MCF2L2: variants seen among roughly 807,000 people sequenced by gnomAD.
The protein encoded by MCF2L2 is probable guanine nucleotide exchange factor MCF2L2.
A neutral mutation model predicts 150.2 loss-of-function variants in MCF2L2; 102 were observed. That is an observed-to-expected ratio of 0.68 (90% CI 0.58 to 0.80). The LOEUF is 0.80. Ranked by LOEUF, MCF2L2 falls within the 30% of genes least tolerant of loss-of-function variation. The pLI is 0.00. For synonymous variants in MCF2L2, 465 were observed against 491.3 expected (o/e 0.95, Z 0.71); for missense variants, 1,256 against 1,372.8 (o/e 0.91, Z 1.34).
At chr3:183,332,994 C>G (rs1323970931) in intron 5 of MCF2L2, among the ~76,000 whole-genome samples, 3 of 152,098 alleles carry the variant, frequency 2.0e-5, no homozygotes, top group Non-Finnish European at 2.9e-5. Flanking sequence ...AATCCCTTGT[C>G]TAAGATGGCA....
chr3:183,365,544 T>G (rs59624773), intron 3 of MCF2L2, among the ~76,000 whole-genome samples: 17,525 of 152,226 alleles, frequency 0.12, 1,160 homozygotes, highest in East Asian at 0.25. Flanking sequence ...AAATTAATGG[T>G]GTTCAGATAA....
chr3:183,356,322 G>C (rs1185174481), intron 3 of MCF2L2, among the ~76,000 whole-genome samples: 1 of 151,964 alleles, frequency 6.6e-6, no homozygotes, highest in Non-Finnish European at 1.5e-5. Flanking sequence ...AGACCATCCT[G>C]GCCAACACGG....
At chr3:183,233,752 T>A (rs1435847608) in intron 15 of MCF2L2, among the ~76,000 whole-genome samples, 1 of 152,192 alleles carries the variant, frequency 6.6e-6, no homozygotes, top group Admixed American at 6.5e-5. Flanking sequence ...CAATCTTTTT[T>A]AAAGTGAAAC....
At chr3:183,330,363 C>A (rs553435554) in intron 5 of MCF2L2, among the ~76,000 whole-genome samples, 20 of 152,030 alleles carry the variant, frequency 1.3e-4, no homozygotes, top group African/African-American at 4.8e-4. Context: ...TATGGGACCA[C>A]CACTGTATAT....
intron 6 of MCF2L2, 35 bp downstream of exon 6, chr3:183,323,200 G>C (rs759022217): frequency 7.0e-7 from 1 of 1,438,290 alleles, no homozygotes; most frequent in Non-Finnish European, 9.7e-7. Flanking sequence ...AAAACAAGGA[G>C]AGACAGTGAA....
chr3:183,285,176 G>T (rs1727718329), intron 14 of MCF2L2, among the ~76,000 whole-genome samples: 1 of 152,094 alleles, frequency 6.6e-6, no homozygotes, highest in Middle Eastern at 3.2e-3. Flanking sequence ...CTAAACACAG[G>T]ATTAAATGAG....
At chr3:183,416,175 T>G (rs1715577943) in intron 1 of MCF2L2, among the ~76,000 whole-genome samples, 1 of 152,230 alleles carries the variant, frequency 6.6e-6, no homozygotes, top group Non-Finnish European at 1.5e-5. Flanking sequence ...CTGCTATTAT[T>G]GTTATACATA....
intron 25 of MCF2L2, among the ~76,000 whole-genome samples, chr3:183,203,502 A>C (rs148362719): frequency 6.6e-6 from 1 of 152,240 alleles, no homozygotes; most frequent in African/African-American, 2.4e-5. Context: ...AAAGAATTAG[A>C]GAACTCAGAA....
intron 1 of MCF2L2, among the ~76,000 whole-genome samples, chr3:183,406,508 GAC>G (rs988641538): frequency 2.0e-5 from 3 of 151,944 alleles, no homozygotes; most frequent in Non-Finnish European, 4.4e-5. Flanking sequence ...TTTTTTTTGA[GAC>G]AGAGTTTTGC....
At chr3:183,201,062 G>A (rs139618023) in intron 25 of MCF2L2, among the ~76,000 whole-genome samples, 1,865 of 152,274 alleles carry the variant, frequency 0.012, 30 homozygotes, top group African/African-American at 0.043. Context: ...GTAGCGTGAT[G>A]CCTCCAGCTT....
intron 2 of MCF2L2, among the ~76,000 whole-genome samples, chr3:183,385,692 G>A (rs1024339283): frequency 2.6e-5 from 4 of 152,204 alleles, no homozygotes; most frequent in African/African-American, 9.7e-5. Context: ...GAAAGGAGCT[G>A]TGGCAAACGT....
At chr3:183,282,325 C>T (rs938032017) in intron 14 of MCF2L2, among the ~76,000 whole-genome samples, 3 of 151,650 alleles carry the variant, frequency 2.0e-5, no homozygotes, top group Non-Finnish European at 4.4e-5. Context: ...ACTACAGGCA[C>T]CCGCCACCAC....
intron 1 of MCF2L2, among the ~76,000 whole-genome samples, chr3:183,408,832 T>C (rs966648234): frequency 6.6e-6 from 1 of 152,240 alleles, no homozygotes; most frequent in South Asian, 2.1e-4. Context: ...TTTGAACACC[T>C]GTAGTTTGTC....
At chr3:183,269,168 C>A (rs1477804825) in intron 15 of MCF2L2, among the ~76,000 whole-genome samples, 1 of 143,410 alleles carries the variant, frequency 7.0e-6, no homozygotes, top group African/African-American at 2.7e-5. Flanking sequence ...TCAGTATATT[C>A]ATGAATGTAC....
At chr3:183,290,336 T>C (rs185087402) in intron 13 of MCF2L2, among the ~76,000 whole-genome samples, 4 of 150,504 alleles carry the variant, frequency 2.7e-5, no homozygotes, top group African/African-American at 4.9e-5. Context: ...AAATTGGGAC[T>C]TGAGAGGAGA....
chr3:183,326,346 G>A (rs1730024809), intron 5 of MCF2L2, among the ~76,000 whole-genome samples: 1 of 151,804 alleles, frequency 6.6e-6, no homozygotes, highest in African/African-American at 2.4e-5. Context: ...ACAAAAATTA[G>A]CCGGGCATGG....
At chr3:183,355,478 C>T (rs370909058) in intron 3 of MCF2L2, among the ~76,000 whole-genome samples, 5 of 150,934 alleles carry the variant, frequency 3.3e-5, no homozygotes, top group Admixed American at 6.6e-5. Context: ...GACGGAGTCT[C>T]GCTCTGTCGC....
chr3:183,395,643 G>A (rs1714395104), intron 1 of MCF2L2, among the ~76,000 whole-genome samples: 1 of 152,258 alleles, frequency 6.6e-6, no homozygotes, highest in Admixed American at 6.5e-5. Context: ...ATTCGGCGGG[G>A]TGCAGTGGCT....
chr3:183,208,336 G>A (rs147731981), intron 22 of MCF2L2, among the ~76,000 whole-genome samples: 47 of 152,304 alleles, frequency 3.1e-4, no homozygotes, highest in African/African-American at 9.6e-4. Flanking sequence ...AAAAGAGAAA[G>A]TTTACTGTGA....
Sources: allele counts gnomAD v4.1 joint callset (sites outside exome capture counted in the v4.1 genomes callset), GRCh38; gene constraint gnomAD v4.1.1; transcripts MANE v1.5; gene names NCBI Gene and HGNC (gene_info 2026-07-23, HGNC 2026-07-21).